Variants in PPM1B observed in about 807,000 individuals in gnomAD.
The protein encoded by PPM1B is protein phosphatase, Mg2+/Mn2+ dependent 1B.
Under a neutral mutation model 43.0 loss-of-function variants are expected in PPM1B, and 22 were observed. The observed-to-expected ratio is 0.51, with a 90% CI of 0.37 to 0.73. The LOEUF (loss-of-function observed/expected upper bound fraction) is 0.73. Among genes scored for constraint, PPM1B ranks in the 30% least tolerant of loss-of-function variants. PPM1B has a pLI of 0.00. For synonymous variants in PPM1B, 217 were observed against 197.9 expected (o/e 1.10, Z -0.81); for missense variants, 632 against 584.2 (o/e 1.08, Z -0.84).
At chr2:44,246,776 A>G (rs1026639754), downstream of PPM1B, among the ~76,000 whole-genome samples, 2 of 152,196 alleles carry the variant, frequency 1.3e-5, no homozygotes, top group Non-Finnish European at 2.9e-5. Flanking sequence ...TGCATCATTT[A>G]TGCATTTTAA....
At chr2:44,216,313 G>T (rs956900233) in intron 3 of PPM1B, among the ~76,000 whole-genome samples, 12 of 152,066 alleles carry the variant, frequency 7.9e-5, no homozygotes, top group African/African-American at 2.9e-4. Flanking sequence ...GTGAATGGAG[G>T]CCAGGGATGC....
At chr2:44,189,558 G>A (rs1407930856) in intron 1 of PPM1B, among the ~76,000 whole-genome samples, 1 of 152,144 alleles carries the variant, frequency 6.6e-6, no homozygotes, top group Admixed American at 6.5e-5. Flanking sequence ...CTGCCTGCCA[G>A]GTTCAAGCAA....
At chr2:44,235,714 A>G (rs1670590605), downstream of PPM1B, among the ~76,000 whole-genome samples, 1 of 151,898 alleles carries the variant, frequency 6.6e-6, no homozygotes, top group African/African-American at 2.4e-5. Context: ...TGGACAACAT[A>G]GCAAGACCTG....
chr2:44,181,405 C>A (rs545389722), intron 1 of PPM1B, among the ~76,000 whole-genome samples: 2 of 152,256 alleles, frequency 1.3e-5, no homozygotes, highest in South Asian at 4.1e-4. Context: ...TGTAAAAAAC[C>A]ACTGCATCTT....
At chr2:44,233,931 T>G (rs1361049758), downstream of PPM1B, 1 of 985,226 alleles carries the variant, frequency 1.0e-6, no homozygotes, top group Non-Finnish European at 1.2e-6. Flanking sequence ...TGCAAAATGG[T>G]TTATCGTTCA....
At chr2:44,226,567 G>T (rs1670218792) in intron 5 of PPM1B, among the ~76,000 whole-genome samples, 1 of 152,044 alleles carries the variant, frequency 6.6e-6, no homozygotes, top group Non-Finnish European at 1.5e-5. Flanking sequence ...CAAATCCACT[G>T]AATCTGTGTA....
rs186921067 is a variant in PPM1B at position 44,207,578 on chromosome 2, T to C, written c.847-1632T>C. ...TGGTACTAGAGTAGTATATATGATA[T>C]GCTTTTTTTTTTTTTGAGAGAGAGT... On this transcript the variant is annotated intron_variant, in intron 2 of 5. Transcript: ENST00000282412. Among the ~76,000 whole-genome samples, 271 of 152,104 alleles carry C rather than the reference T, an allele frequency of 1.8e-3. 2 individuals carry two copies. The highest frequency in any genetic ancestry group is 6.2e-3 in the African/African-American group (259 of 41,472).
chr2:44,233,844 G>C, downstream of PPM1B: 1 of 985,630 alleles, frequency 1.0e-6, no homozygotes, highest in Non-Finnish European at 1.2e-6. Flanking sequence ...AAGTTAAAGT[G>C]CTTTACATGA....
Position 44,184,684 on chromosome 2 carries a change from C to A in PPM1B, c.-15+15410C>A, listed in dbSNP as rs564420602. Among the ~76,000 whole-genome samples, 389 of 152,036 alleles carry A rather than the reference C, an allele frequency of 2.6e-3. 3 individuals are homozygous for A. The highest frequency in any genetic ancestry group is 8.7e-3 in the African/African-American group (361 of 41,442). Reference sequence around the variant, plus strand: ...GATAGATTATGCCTCCCTTCTTCTCCCCTAAGTTGCTGTTGGCACAGACTA... The same window carrying A: ...GATAGATTATGCCTCCCTTCTTCTCACCTAAGTTGCTGTTGGCACAGACTA... On this transcript the variant is annotated intron_variant, in intron 1 of 5. Transcript: ENST00000282412.
At chr2:44,194,540 G>T (rs1481566474) in intron 1 of PPM1B, among the ~76,000 whole-genome samples, 1 of 152,008 alleles carries the variant, frequency 6.6e-6, no homozygotes, top group Non-Finnish European at 1.5e-5. Context: ...TAGCTAACAC[G>T]GTGAAACCCC....
At chr2:44,184,374 G>T (rs766483554) in intron 1 of PPM1B, among the ~76,000 whole-genome samples, 2 of 152,154 alleles carry the variant, frequency 1.3e-5, no homozygotes, top group Non-Finnish European at 2.9e-5. Flanking sequence ...AACTCTGGTT[G>T]CTGATTCTCA....
At chr2:44,178,474 A>ATTTTT (rs57257505) in intron 1 of PPM1B, among the ~76,000 whole-genome samples, 3 of 135,336 alleles carry the variant, frequency 2.2e-5, no homozygotes, top group African/African-American at 5.6e-5. Context: ...ATATATATAT[A>ATTTTT]TTTTTTTTTT....
At chr2:44,175,590 A>T (rs998507157) in intron 1 of PPM1B, among the ~76,000 whole-genome samples, 1 of 152,132 alleles carries the variant, frequency 6.6e-6, no homozygotes, top group African/African-American at 2.4e-5. Context: ...TGAACTCCTT[A>T]TGTGGCTGGC....
At chr2:44,213,279 G>C (rs1669567781) in intron 3 of PPM1B, among the ~76,000 whole-genome samples, 1 of 150,472 alleles carries the variant, frequency 6.6e-6, no homozygotes, top group African/African-American at 2.4e-5. Context: ...ATCATACCAA[G>C]CTCTTCCACT....
At chr2:44,239,751 A>G (rs137919887) in intron 5 of PPM1B, among the ~76,000 whole-genome samples, 251 of 152,284 alleles carry the variant, frequency 1.6e-3, no homozygotes, top group African/African-American at 5.8e-3. Flanking sequence ...CTTGTTACAT[A>G]GTATGTGAAC....
At chr2:44,207,428 G>C (rs1669239747) in intron 2 of PPM1B, among the ~76,000 whole-genome samples, 1 of 152,058 alleles carries the variant, frequency 6.6e-6, no homozygotes, top group South Asian at 2.1e-4. Flanking sequence ...GAAAAAGAAA[G>C]TTTGAAAAAA....
chr2:44,176,819 A>G (rs1667603608), intron 1 of PPM1B, among the ~76,000 whole-genome samples: 1 of 152,158 alleles, frequency 6.6e-6, no homozygotes, highest in Non-Finnish European at 1.5e-5. Context: ...AAGCAAATCA[A>G]CCAACTGGCT....
downstream of PPM1B, chr2:44,244,391 G>A: frequency 1.5e-6 from 2 of 1,335,724 alleles, no homozygotes; most frequent in Non-Finnish European, 2.0e-6. Context: ...TATAGTATTT[G>A]TACTGCTGTT....
intron 3 of PPM1B, among the ~76,000 whole-genome samples, chr2:44,214,458 G>A (rs1016237551): frequency 4.6e-5 from 7 of 150,954 alleles, no homozygotes; most frequent in East Asian, 1.9e-4. Flanking sequence ...ATATTTTTTC[G>A]GGGGTGGGGG....
Sources: gnomAD v4.1 joint callset for allele counts (sites outside exome capture counted in the v4.1 genomes callset) on GRCh38, gnomAD v4.1.1 for gene constraint, MANE v1.5 for transcripts, NCBI Gene and HGNC (gene_info 2026-07-23, HGNC 2026-07-21) for gene names.